The following CPQ variants were observed in gnomAD, a reference collection of about 807,000 sequenced individuals.
CPQ encodes the protein Ser-Met dipeptidase.
A neutral mutation model predicts 45.7 loss-of-function variants in CPQ; 37 were observed. That is an observed-to-expected ratio of 0.81 (90% CI 0.62 to 1.07). The LOEUF is 1.07. CPQ is among the 50% of genes least tolerant of loss of function. CPQ has a pLI of 0.00. For missense variants in CPQ, 537 were observed against 572.9 expected (o/e 0.94, Z 0.64); for synonymous variants, 186 against 205.8 (o/e 0.90, Z 0.82).
chr8:96,718,213 G>T (rs1319509642), intron 1 of CPQ, among the ~76,000 whole-genome samples: 3 of 152,144 alleles, frequency 2.0e-5, no homozygotes, highest in Non-Finnish European at 2.9e-5. Flanking sequence ...ATCTTAACTG[G>T]GGGCTTCTCC....
chr8:96,757,193 C>T, intron 1 of CPQ, among the ~76,000 whole-genome samples: 1 of 151,766 alleles, frequency 6.6e-6, no homozygotes, highest in East Asian at 1.9e-4. Flanking sequence ...GCTAGAAATA[C>T]AAAAATACTT....
intron 4 of CPQ, among the ~76,000 whole-genome samples, chr8:96,941,004 C>T (rs1430793146): frequency 6.6e-6 from 1 of 152,140 alleles, no homozygotes; most frequent in Non-Finnish European, 1.5e-5. Context: ...TTCACCCTCC[C>T]ATATAAGTAA....
intron 5 of CPQ, among the ~76,000 whole-genome samples, chr8:97,012,602 G>A (rs1436838217): frequency 6.6e-6 from 1 of 152,242 alleles, no homozygotes; most frequent in East Asian, 1.9e-4. Context: ...GACCCTAGGA[G>A]GGCAGCAGAT....
intron 5 of CPQ, among the ~76,000 whole-genome samples, chr8:96,998,285 C>T (rs926315793): frequency 3.3e-5 from 5 of 151,562 alleles, no homozygotes; most frequent in Non-Finnish European, 7.4e-5. Flanking sequence ...CAAAAGACAA[C>T]CGATTGAAAT....
intron 7 of CPQ, among the ~76,000 whole-genome samples, chr8:97,110,479 A>G (rs1811481580): frequency 6.6e-6 from 1 of 152,184 alleles, no homozygotes; most frequent in Non-Finnish European, 1.5e-5. Flanking sequence ...AAAAATATCT[A>G]GGAGTGGGAT....
intron 5 of CPQ, among the ~76,000 whole-genome samples, chr8:96,976,915 A>G (rs1395308439): frequency 6.6e-6 from 1 of 152,204 alleles, no homozygotes; most frequent in Non-Finnish European, 1.5e-5. Context: ...AAAATTGGAA[A>G]AAGTCTTCTA....
chr8:96,706,642 T>A (rs1809533715), intron 1 of CPQ, among the ~76,000 whole-genome samples: 1 of 152,176 alleles, frequency 6.6e-6, no homozygotes, highest in East Asian at 1.9e-4. Context: ...TTATGATTCA[T>A]AAGCAGTAGT....
intron 1 of CPQ, among the ~76,000 whole-genome samples, chr8:96,715,484 C>T (rs978502789): frequency 3.3e-5 from 5 of 152,178 alleles, no homozygotes; most frequent in African/African-American, 1.2e-4. Flanking sequence ...GAAGGAGTTA[C>T]TCTGAACCAT....
At chr8:97,003,800 G>A (rs1189447544) in intron 5 of CPQ, among the ~76,000 whole-genome samples, 1 of 152,140 alleles carries the variant, frequency 6.6e-6, no homozygotes, top group African/African-American at 2.4e-5. Context: ...GGTAGGTGAG[G>A]CAGGATGGTC....
At chr8:97,111,479 G>A (rs1811497282) in intron 7 of CPQ, among the ~76,000 whole-genome samples, 1 of 152,148 alleles carries the variant, frequency 6.6e-6, no homozygotes, top group Non-Finnish European at 1.5e-5. Context: ...AGATGTCTGT[G>A]GCCATGTCCC....
At chr8:96,763,807 A>G (rs1352634236) in intron 1 of CPQ, among the ~76,000 whole-genome samples, 1 of 152,204 alleles carries the variant, frequency 6.6e-6, no homozygotes, top group East Asian at 1.9e-4. Context: ...ATTAGTCATT[A>G]GAGAAATGTA....
chr8:96,938,932 T>C (rs1490495676), intron 4 of CPQ, among the ~76,000 whole-genome samples: 1 of 152,204 alleles, frequency 6.6e-6, no homozygotes, highest in East Asian at 1.9e-4. Flanking sequence ...CTGGGACTTT[T>C]TGTTAACACA....
intron 2 of CPQ, among the ~76,000 whole-genome samples, chr8:96,818,255 G>A (rs189354253): frequency 9.2e-5 from 14 of 151,874 alleles, no homozygotes; most frequent in Admixed American, 3.3e-4. Flanking sequence ...TCAACCTTCC[G>A]GACAAGTCAG....
At chr8:97,117,628 G>C (rs1200005452) in intron 7 of CPQ, among the ~76,000 whole-genome samples, 1 of 152,040 alleles carries the variant, frequency 6.6e-6, no homozygotes, top group Non-Finnish European at 1.5e-5. Context: ...CACCTCCCAG[G>C]CTCAAGCAAT....
chr8:96,899,717 C>T (rs1232284863), intron 4 of CPQ, among the ~76,000 whole-genome samples: 1 of 145,362 alleles, frequency 6.9e-6, no homozygotes, highest in African/African-American at 2.4e-5. Context: ...ATGATCCAAA[C>T]ACCTCCCACC....
rs796118046 is a variant in CPQ, at chr8:96,957,838, CT to C, written c.850-8085del. Among the ~76,000 whole-genome samples the C allele has an allele frequency of 5.3e-3, 750 of 141,828 alleles. 11 individuals carry two copies. Among genetic ancestry groups the C allele is most frequent in the Admixed American group, 0.031 (437 of 14,204 alleles). The allele number at this position is 141,828 out of a possible 152,430, so 93.0% of individuals were successfully genotyped here. On this transcript the variant is annotated intron_variant, in intron 4 of 7. Transcript: ENST00000220763. ...AAAAAAGTCTGTAGGGTACCAAATG[CT>C]TTTTTTTTTTTGGAGACAGGATCTG...
intron 5 of CPQ, among the ~76,000 whole-genome samples, chr8:97,027,997 G>A (rs888487794): frequency 2.6e-5 from 4 of 152,156 alleles, no homozygotes; most frequent in Non-Finnish European, 2.9e-5. Context: ...AGACAACTGC[G>A]GGGCTTGGAC....
At chr8:96,873,666 A>G (rs937958435) in intron 3 of CPQ, among the ~76,000 whole-genome samples, 2 of 151,776 alleles carry the variant, frequency 1.3e-5, no homozygotes, top group South Asian at 2.1e-4. Context: ...AAAGCTCACA[A>G]TCTTTACAAT....
At chr8:96,854,359 G>C (rs1378768042) in intron 3 of CPQ, among the ~76,000 whole-genome samples, 1 of 150,196 alleles carries the variant, frequency 6.7e-6, no homozygotes, top group Non-Finnish European at 1.5e-5. Context: ...GTGAAACCCC[G>C]TCTCTACTAA....
Sources: gnomAD v4.1 joint callset for allele counts (sites outside exome capture counted in the v4.1 genomes callset) on GRCh38, gnomAD v4.1.1 for gene constraint, MANE v1.5 for transcripts, NCBI Gene and HGNC (gene_info 2026-07-23, HGNC 2026-07-21) for gene names.